The following FCN1 variants were observed in gnomAD, a reference collection of about 807,000 sequenced individuals.
FCN1 encodes ficolin-1.
A neutral mutation model predicts 35.6 loss-of-function variants in FCN1; 42 were observed. The observed-to-expected ratio is 1.18, with a 90% CI of 0.92 to 1.53. FCN1 has a LOEUF of 1.53. Among genes scored for constraint, FCN1 ranks in the 40% most tolerant of loss-of-function variants. The pLI is 0.00. For missense variants in FCN1, 439 were observed against 428.4 expected, an observed-to-expected ratio of 1.02 and a Z score of -0.22; for synonymous variants, 179 against 169.8, an observed-to-expected ratio of 1.05 and a Z score of -0.42.
chr9:134,903,840 A>C lies in FCN1; in HGVS notation c.*5958T>G, dbSNP rs1203985804. On this transcript the variant is annotated 3_prime_UTR_variant, in exon 9 of 9. Coordinates refer to ENST00000371806, the MANE Select transcript of FCN1 (RefSeq NM_002003.5). The stretch of plus-strand genomic sequence containing the variant: ...GTGGAGAAGTGGAGCCAAGCATTGG[A>C]GTCTACACTGGCTATTCTATAACTG... Among the ~76,000 whole-genome samples the C allele has an allele frequency of 6.6e-6, 1 of 152,078 alleles. No homozygotes were observed. The highest frequency in any genetic ancestry group is 6.6e-5 in the Admixed American group (1 of 15,266).
rs1830912540 is a variant in FCN1 at position 134,903,877 on chromosome 9, T to G, written c.*5921A>C. 1.3e-5 allele frequency among the ~76,000 whole-genome samples: 2 copies of G among 152,120 alleles called. No homozygotes were observed. Among genetic ancestry groups the G allele is most frequent in the Admixed American group, 1.3e-4 (2 of 15,272 alleles). ...CTATTCTATAACTGAAATTAATAAC[T>G]CAATCAATGGTTTTCTATTTATAAG... On this transcript the variant is annotated 3_prime_UTR_variant, in exon 9 of 9. Coordinates refer to ENST00000371806, the MANE Select transcript of FCN1 (RefSeq NM_002003.5).
At chr9:134,911,290 C>T (rs1831020150) in intron 7 of FCN1, 23 bp from the exon 8 acceptor site, 1 of 1,612,342 alleles carries the variant, frequency 6.2e-7, no homozygotes, top group South Asian at 1.1e-5. Flanking sequence ...GATTTTAAGG[C>T]CCCAGCCTTT....
At chr9:134,911,696 G>A (rs1831025639) in intron 7 of FCN1, among the ~76,000 whole-genome samples, 1 of 152,026 alleles carries the variant, frequency 6.6e-6, no homozygotes, top group Non-Finnish European at 1.5e-5. Flanking sequence ...TGGCATCCAG[G>A]AAAAAAATCA....
Position 134,911,141 on chromosome 9 carries a change from C to A in FCN1, c.725G>T (p.Gly242Val). 6.2e-7 allele frequency: 1 copy of A among 1,614,092 alleles called. No individual in the cohort carries two copies. Residue 242 changes from glycine (G) to valine (V), a missense_variant, in exon 8 of 9, where the codon GGC becomes GTC. Coordinates refer to ENST00000371806, the MANE Select transcript of FCN1 (RefSeq NM_002003.5). ...CCCAAGCAGACACTCACCCGCACTG[C>A]CCCCGACAAAGGCTCCCAGTACCAG... Reference protein sequence around the residue: ...YKLVLGAFVGGSAGNSLTGHN... With the variant: ...YKLVLGAFVGVSAGNSLTGHN...
In FCN1 at chr9:134,906,606, T is replaced by G. The variant is rs1830960148; in HGVS notation, c.*3192A>C. ...CAATGAGCTCAAAGTCTCTTAAATA[T>G]GCCAATACCGTGTATAAACGCACTA... is the stretch of plus-strand genomic sequence containing the variant. On this transcript the variant is annotated 3_prime_UTR_variant, in exon 9 of 9. Coordinates refer to ENST00000371806, the MANE Select transcript of FCN1 (RefSeq NM_002003.5). The G allele has an allele frequency of 6.6e-6, 1 of 152,216 alleles. No homozygotes were observed. Among genetic ancestry groups the G allele is most frequent in the South Asian group, 2.1e-4 (1 of 4,836 alleles). 9.4% of individuals were successfully genotyped at this position (152,216 alleles called of 1,614,324 possible). A position where few individuals can be genotyped will look rare whatever the true frequency, so the allele number is the denominator to read the frequency against.
At chr9:134,914,446 C>A (rs1831065943) in intron 3 of FCN1, 26 bp from the exon 4 acceptor site, 2 of 1,610,700 alleles carry the variant, frequency 1.2e-6, no homozygotes, top group South Asian at 1.1e-5. Context: ...GGATAATGAG[C>A]TTTTGACCCC....
At chr9:134,914,523 C>G (rs1831067242) in intron 3 of FCN1, 103 bp from the exon 4 acceptor site, 2 of 1,212,220 alleles carry the variant, frequency 1.6e-6, no homozygotes, top group Admixed American at 3.5e-5. Flanking sequence ...ATCTCCCCAG[C>G]CCTGCAGGCT....
At chr9:134,912,426 G>A in intron 7 of FCN1, 60 bp downstream of exon 7, 4 of 1,552,276 alleles carry the variant, frequency 2.6e-6, no homozygotes, top group Non-Finnish European at 3.5e-6. Context: ...GATGGCCCAG[G>A]CCTAAGGGGC....
chr9:134,909,796 G>C lies in FCN1; in HGVS notation c.*2C>G. On this transcript the variant is annotated 3_prime_UTR_variant, in exon 9 of 9. Transcript: ENST00000371806. Reference sequence around the variant, plus strand: ...GGTGCATGTGGAGGGGTCCTGGCCCGTCTAGGCGGGCCGCACCTTCATCTC... The same window carrying C: ...GGTGCATGTGGAGGGGTCCTGGCCCCTCTAGGCGGGCCGCACCTTCATCTC... 6.2e-7 allele frequency: 1 copy of C among 1,612,728 alleles called. No homozygotes were observed.
intron 2 of FCN1, among the ~76,000 whole-genome samples, chr9:134,915,250 C>A (rs1245573092): frequency 1.3e-5 from 2 of 152,184 alleles, no homozygotes; most frequent in Non-Finnish European, 2.9e-5. Flanking sequence ...CAGGGAGGAT[C>A]CGGTTCCACC....
In FCN1 at chr9:134,908,952, T is replaced by A. The variant is rs569328102; in HGVS notation, c.*846A>T. ...CTTCGGTAAGTGGGAGCTCTTGATTTGAATGGAGTCACACTTGCCACATTC... is the reference window on the plus strand; with the variant it reads ...CTTCGGTAAGTGGGAGCTCTTGATTAGAATGGAGTCACACTTGCCACATTC... On this transcript the variant is annotated 3_prime_UTR_variant, in exon 9 of 9. Transcript: ENST00000371806. The A allele has an allele frequency of 3.6e-6, 1 of 278,994 alleles. No individual in the cohort carries two copies. The highest frequency in any genetic ancestry group is 3.5e-5 in the South Asian group (1 of 28,364). 17.3% of individuals were successfully genotyped at this position (278,994 alleles called of 1,614,324 possible). A position where few individuals can be genotyped will look rare whatever the true frequency, so the allele number is the denominator to read the frequency against.
rs1214719910 is a variant in FCN1 at position 134,913,161 on chromosome 9, G to A, written c.341-18C>T. ...GCGTGGGCCTGGGAAGGGAACCCGG[G>A]GAATGGCTGCAGGACGGGGGCCCTG... On this transcript the variant is annotated intron_variant, in intron 5 of 8. Transcript: ENST00000371806. 6.2e-7 allele frequency: 1 copy of A among 1,613,400 alleles called. No homozygotes were observed. Among genetic ancestry groups the A allele is most frequent in the Non-Finnish European group, 8.5e-7 (1 of 1,179,758 alleles).
chr9:134,913,495 C>T (rs1182656902), intron 5 of FCN1, 86 bp downstream of exon 5: 16 of 1,106,404 alleles, frequency 1.4e-5, no homozygotes, highest in Non-Finnish European at 1.8e-5. Context: ...GGGTTCTGTC[C>T]TTAGATTCCG....
chr9:134,916,810 GC>G (rs1831098231), intron 1 of FCN1, among the ~76,000 whole-genome samples: 1 of 152,226 alleles, frequency 6.6e-6, no homozygotes, highest in African/African-American at 2.4e-5. Context: ...TAAACAGCGG[GC>G]ACTTTCAATA....
intron 3 of FCN1, 146 bp from the exon 4 acceptor site, chr9:134,914,566 G>T: frequency 1.0e-6 from 1 of 959,986 alleles, no homozygotes; most frequent in Non-Finnish European, 1.6e-6. Flanking sequence ...GGTCTCAATG[G>T]TGGGGAGGGG....
intron 8 of FCN1, among the ~76,000 whole-genome samples, 168 bp from the exon 9 acceptor site, chr9:134,910,213 A>AGGCAACTTCT (rs1248809462): frequency 6.6e-6 from 1 of 152,122 alleles, no homozygotes; most frequent in Non-Finnish European, 1.5e-5. Context: ...GGGAAGCAGG[A>AGGCAACTTCT]GGCAACCTCT....
At position 134,914,759 on chromosome 9, in the gene FCN1, T is replaced by C. The variant is rs1831070739; in HGVS notation, c.268A>G (p.Lys90Glu). ...APGKAGPVGP[K>E]GDRGEKGMRG... ...TCGCTGTCTGTCCCCTGGTTACCTT[T>C]GGGCCCCACTGGTCCTGCCTTTCCA... Residue 90 changes from lysine to glutamate, a missense_variant, in exon 3 of 9, where the codon AAA becomes GAA. Transcript: ENST00000371806. 1.2e-6 allele frequency: 2 copies of C among 1,611,534 alleles called. No individual in the cohort carries two copies. The highest frequency in any genetic ancestry group is 2.2e-5 in the South Asian group (2 of 90,534).
intron 5 of FCN1, 145 bp from the exon 6 acceptor site, chr9:134,913,288 C>T (rs1588152519): frequency 8.8e-7 from 1 of 1,136,514 alleles, no homozygotes; most frequent in Non-Finnish European, 1.3e-6. Context: ...AGGGACACGG[C>T]CCCCAGGGCC....
At chr9:134,917,437 AG>A (rs1388292484) in intron 1 of FCN1, among the ~76,000 whole-genome samples, 2 of 152,188 alleles carry the variant, frequency 1.3e-5, no homozygotes, top group Non-Finnish European at 2.9e-5. Flanking sequence ...AGGGTCTTAG[AG>A]TGCCTCCCTG....
Sources: allele counts gnomAD v4.1 joint callset (sites outside exome capture counted in the v4.1 genomes callset), GRCh38; gene constraint gnomAD v4.1.1; transcripts MANE v1.5; gene names NCBI Gene and HGNC (gene_info 2026-07-23, HGNC 2026-07-21).